The following NIPBL variants were observed in gnomAD, a reference collection of about 807,000 sequenced individuals.
The protein encoded by NIPBL is NIPBL cohesin loading factor.
A neutral mutation model predicts 321.8 loss-of-function variants in NIPBL; 19 were observed. The ratio of observed to expected loss-of-function variants is 0.06; its 90% CI spans 0.04 to 0.09. The LOEUF (loss-of-function observed/expected upper bound fraction) is 0.09. Among genes scored for constraint, NIPBL ranks in the 10% least tolerant of loss-of-function variants. The pLI is 1.00. For missense variants in NIPBL, 2,210 were observed against 3,327.0 expected (o/e 0.66, Z 8.26); for synonymous variants, 1,106 against 1,114.1 (o/e 0.99, Z 0.14).
At chr5:36,879,866 T>C (rs773132647) in intron 1 of NIPBL, among the ~76,000 whole-genome samples, 8 of 152,064 alleles carry the variant, frequency 5.3e-5, no homozygotes, top group South Asian at 2.1e-4. Context: ...GAACATTAAA[T>C]AGATAATTTT....
chr5:36,959,060 AGC>A (rs1173411151), intron 4 of NIPBL, among the ~76,000 whole-genome samples: 3 of 152,062 alleles, frequency 2.0e-5, no homozygotes, highest in Non-Finnish European at 4.4e-5. Flanking sequence ...TACAACAACT[AGC>A]CAGGCATTAT....
At chr5:37,023,992 C>G (rs955587687) in intron 29 of NIPBL, among the ~76,000 whole-genome samples, 1 of 151,782 alleles carries the variant, frequency 6.6e-6, no homozygotes, top group African/African-American at 2.4e-5. Context: ...TGGTGAAACA[C>G]TGTTTCTACT....
intron 34 of NIPBL, 78 bp downstream of exon 34, chr5:37,038,816 CCACATTCTCACTGA>C: frequency 7.1e-7 from 1 of 1,416,232 alleles, no homozygotes; most frequent in Middle Eastern, 2.4e-4. Context: ...CATGCGTCAA[CCACATTCTCACTGA>C]CAGATCAACT....
intron 8 of NIPBL, among the ~76,000 whole-genome samples, chr5:36,973,002 A>G (rs1453070592): frequency 2.6e-5 from 4 of 152,184 alleles, no homozygotes; most frequent in Non-Finnish European, 5.9e-5. Context: ...TGAATTTTCA[A>G]AGAACCTTGC....
At chr5:36,884,466 A>C (rs1745737196) in intron 1 of NIPBL, among the ~76,000 whole-genome samples, 1 of 152,220 alleles carries the variant, frequency 6.6e-6, no homozygotes, top group Non-Finnish European at 1.5e-5. Flanking sequence ...TTTTCTGAGG[A>C]GAAAGAGAAA....
chr5:36,890,145 T>C (rs1342418862), intron 1 of NIPBL, among the ~76,000 whole-genome samples: 2 of 152,174 alleles, frequency 1.3e-5, no homozygotes, highest in East Asian at 1.9e-4. Flanking sequence ...CCCAGTATTT[T>C]GTCAGTGGAT....
intron 20 of NIPBL, among the ~76,000 whole-genome samples, chr5:37,009,879 TG>T (rs762266988): frequency 6.6e-6 from 1 of 152,240 alleles, no homozygotes; most frequent in Non-Finnish European, 1.5e-5. Flanking sequence ...ATTTTTCCTT[TG>T]ACTATTTTAA....
chr5:36,905,145 CA>C (rs943700012), intron 1 of NIPBL, among the ~76,000 whole-genome samples: 10 of 151,182 alleles, frequency 6.6e-5, no homozygotes, highest in African/African-American at 2.4e-4. Context: ...GTAAATTGGC[CA>C]AAAAAAATTA....
rs1747444022 is a variant in NIPBL, at chr5:37,006,461, C to T, written c.3960C>T (p.Ser1320=). The T allele has an allele frequency of 6.2e-7, 1 of 1,611,706 alleles. No homozygotes were observed. Among genetic ancestry groups the T allele is most frequent in the African/African-American group, 1.3e-5 (1 of 74,812 alleles). ...ACLTTINIMT[S]PNMPKAVYIE... The stretch of plus-strand genomic sequence containing the variant: ...TTACAACTATCAACATTATGACATC[C>T]CCTAACATGCCAAAAGCTGTGTACA... The change falls in exon 17 of 47, where the codon TCC becomes TCT. Residue 1320 remains serine (S), a synonymous_variant. Transcript: ENST00000282516.
intron 21 of NIPBL, among the ~76,000 whole-genome samples, chr5:37,012,148 T>C (rs914943822): frequency 3.3e-5 from 5 of 151,140 alleles, no homozygotes; most frequent in African/African-American, 1.2e-4. Flanking sequence ...TCTTTTTTTT[T>C]TTTTTCTTTT....
At chr5:36,993,292 A>C (rs974461211) in intron 10 of NIPBL, among the ~76,000 whole-genome samples, 1 of 152,206 alleles carries the variant, frequency 6.6e-6, no homozygotes, top group Non-Finnish European at 1.5e-5. Flanking sequence ...TACATTGTTT[A>C]AACTTTCAAA....
At chr5:36,942,711 A>G (rs1446513150) in intron 1 of NIPBL, among the ~76,000 whole-genome samples, 2 of 150,812 alleles carry the variant, frequency 1.3e-5, no homozygotes, top group Non-Finnish European at 1.5e-5. Flanking sequence ...ACTGCACTTC[A>G]GCCTGGGTGA....
In NIPBL at chr5:37,000,971, T is replaced by C. The variant is rs1746730567; in HGVS notation, c.3575-18T>C. The C allele has an allele frequency of 6.3e-7, 1 of 1,591,364 alleles. No homozygotes were observed. The highest frequency in any genetic ancestry group is 2.2e-5 in the East Asian group (1 of 44,616). The stretch of plus-strand genomic sequence containing the variant: ...ACTTGTAATGTGAGAATAATGAATA[T>C]ATTTTTCTCTCTTGCAGAAATGATG... On this transcript the variant is annotated intron_variant, in intron 13 of 46. Coordinates refer to ENST00000282516, the MANE Select transcript of NIPBL (RefSeq NM_133433.4).
chr5:37,029,308 C>G (rs1412602933), intron 32 of NIPBL, among the ~76,000 whole-genome samples: 1 of 152,170 alleles, frequency 6.6e-6, no homozygotes, highest in Non-Finnish European at 1.5e-5. Flanking sequence ...TTTTCATGTA[C>G]ATTGTTCCTA....
At chr5:36,929,516 A>C (rs1749618125) in intron 1 of NIPBL, among the ~76,000 whole-genome samples, 1 of 151,762 alleles carries the variant, frequency 6.6e-6, no homozygotes, top group Non-Finnish European at 1.5e-5. Context: ...TTGTCTTTTC[A>C]TTTTCTTATT....
intron 1 of NIPBL, among the ~76,000 whole-genome samples, chr5:36,901,867 C>T (rs934531451): frequency 6.6e-6 from 1 of 152,126 alleles, no homozygotes; most frequent in African/African-American, 2.4e-5. Flanking sequence ...AGTTTACATT[C>T]CCACCAGCAG....
At chr5:36,974,447 T>G (rs1561099421) in intron 8 of NIPBL, among the ~76,000 whole-genome samples, 1 of 152,164 alleles carries the variant, frequency 6.6e-6, no homozygotes, top group African/African-American at 2.4e-5. Flanking sequence ...ATATTACAAT[T>G]CAGACTTAGA....
intron 21 of NIPBL, among the ~76,000 whole-genome samples, chr5:37,013,685 G>A (rs1748537720): frequency 6.6e-6 from 1 of 152,022 alleles, no homozygotes; most frequent in Admixed American, 6.6e-5. Flanking sequence ...CTTCCTAGAT[G>A]GGATGGCGGC....
chr5:36,934,462 T>C (rs1464553602), intron 1 of NIPBL, among the ~76,000 whole-genome samples: 1 of 151,984 alleles, frequency 6.6e-6, no homozygotes, highest in Non-Finnish European at 1.5e-5. Context: ...GTAAGTGAAA[T>C]GATAGAGGAA....
Sources: gnomAD v4.1 joint callset for allele counts (sites outside exome capture counted in the v4.1 genomes callset) on GRCh38, gnomAD v4.1.1 for gene constraint, MANE v1.5 for transcripts, NCBI Gene and HGNC (gene_info 2026-07-23, HGNC 2026-07-21) for gene names.